Variants in SAMD4A observed in about 807,000 individuals in gnomAD.
SAMD4A encodes the protein protein Smaug homolog 1.
SAMD4A carries 33 observed loss-of-function variants against 81.3 expected under a neutral mutation model. The ratio of observed to expected loss-of-function variants is 0.41; its 90% CI spans 0.31 to 0.54. The LOEUF is 0.54. Among genes scored for constraint, SAMD4A ranks in the 20% least tolerant of loss-of-function variants. The pLI, the probability that SAMD4A is intolerant of heterozygous loss-of-function variation, is 0.37. For synonymous variants in SAMD4A, 389 were observed against 382.1 expected (o/e 1.02, Z -0.21); for missense variants, 854 against 951.1 (o/e 0.90, Z 1.34).
chr14:54,692,834 G>A (rs1205239022), intron 2 of SAMD4A: 3 of 149,300 alleles, frequency 2.0e-5, no homozygotes, highest in Non-Finnish European at 4.5e-5. Context: ...TAACTCTTAG[G>A]AGACCCATTC....
intron 2 of SAMD4A, chr14:54,688,010 G>A (rs2036321653): frequency 7.1e-6 from 7 of 985,588 alleles, no homozygotes; most frequent in Non-Finnish European, 8.4e-6. Flanking sequence ...CACCTGAGGA[G>A]GGAAGAAAAG....
intron 2 of SAMD4A, among the ~76,000 whole-genome samples, chr14:54,665,096 A>G (rs1209544608): frequency 6.6e-6 from 1 of 152,220 alleles, no homozygotes; most frequent in African/African-American, 2.4e-5. Context: ...ACTGCAGGAA[A>G]AAATGTGAGA....
intron 11 of SAMD4A, chr14:54,784,139 A>C: frequency 5.4e-6 from 3 of 551,076 alleles, no homozygotes; most frequent in Non-Finnish European, 9.8e-6. Context: ...GCCGTGAGGT[A>C]GGAGGGGGCC....
At chr14:54,776,940 C>T (rs1348242000) in intron 11 of SAMD4A, among the ~76,000 whole-genome samples, 1 of 151,974 alleles carries the variant, frequency 6.6e-6, no homozygotes, top group Non-Finnish European at 1.5e-5. Context: ...TGAGACCTTC[C>T]CCCTGGTTTG....
At position 54,790,966 on chromosome 14, in the gene SAMD4A, A is replaced by G. The variant is rs2039250139; in HGVS notation, c.*2022A>G. 6.6e-6 allele frequency: 1 copy of G among 151,836 alleles called. No homozygotes were observed. The highest frequency in any genetic ancestry group is 6.6e-5 in the Admixed American group (1 of 15,262). The allele number at this position is 151,836 out of a possible 1,614,324, so 9.4% of individuals were successfully genotyped here. A position where few individuals can be genotyped will look rare whatever the true frequency, so the allele number is the denominator to read the frequency against. ...TGAGCAGAGAAGGCTTGAATCCACA[A>G]TTTCATTCGCTGAATTAAAAAAAAA... On this transcript the variant is annotated 3_prime_UTR_variant, in exon 13 of 13. Transcript: ENST00000554335.
intron 2 of SAMD4A, among the ~76,000 whole-genome samples, chr14:54,591,216 A>G (rs1377133895): frequency 6.6e-6 from 1 of 152,018 alleles, no homozygotes; most frequent in Non-Finnish European, 1.5e-5. Flanking sequence ...AGAAATGCTG[A>G]CTCTAGCTCT....
chr14:54,744,277 C>T (rs1251314554), intron 4 of SAMD4A, among the ~76,000 whole-genome samples: 1 of 152,252 alleles, frequency 6.6e-6, no homozygotes, highest in African/African-American at 2.4e-5. Flanking sequence ...GTTTGTGGGT[C>T]GGGTGCTGCA....
chr14:54,760,779 C>T (rs1566625073), intron 7 of SAMD4A, among the ~76,000 whole-genome samples: 1 of 152,168 alleles, frequency 6.6e-6, no homozygotes, highest in Non-Finnish European at 1.5e-5. Flanking sequence ...CTCATTGGGC[C>T]AGTGGACCCT....
intron 2 of SAMD4A, among the ~76,000 whole-genome samples, chr14:54,587,468 A>G (rs1342143781): frequency 6.6e-6 from 1 of 152,172 alleles, no homozygotes; most frequent in Non-Finnish European, 1.5e-5. Flanking sequence ...ACTATGTTGA[A>G]TAGAAGTGGT....
chr14:54,608,887 A>G (rs544277324), intron 2 of SAMD4A, among the ~76,000 whole-genome samples: 3 of 152,362 alleles, frequency 2.0e-5, no homozygotes, highest in Non-Finnish European at 2.9e-5. Context: ...ACAGTTAGCA[A>G]CGGAAGACAG....
chr14:54,776,678 A>G (rs1204606026), intron 11 of SAMD4A, 138 bp downstream of exon 11: 4 of 1,088,828 alleles, frequency 3.7e-6, no homozygotes, highest in Non-Finnish European at 4.9e-6. Context: ...TCCTTTTTTA[A>G]ACTGTGCCTT....
At chr14:54,608,670 A>G (rs182407069) in intron 2 of SAMD4A, among the ~76,000 whole-genome samples, 153 of 152,290 alleles carry the variant, frequency 1.0e-3, no homozygotes, top group African/African-American at 3.6e-3. Context: ...TGAGCAATGG[A>G]TTTTGCATTT....
intron 2 of SAMD4A, among the ~76,000 whole-genome samples, chr14:54,581,627 G>A (rs1456887659): frequency 6.6e-6 from 1 of 152,210 alleles, no homozygotes; most frequent in East Asian, 1.9e-4. Context: ...CACATAAAGT[G>A]TTGTATTGTG....
chr14:54,646,846 T>TCA (rs915694976), intron 2 of SAMD4A, among the ~76,000 whole-genome samples: 1 of 152,194 alleles, frequency 6.6e-6, no homozygotes, highest in African/African-American at 2.4e-5. Flanking sequence ...TTAACCACTT[T>TCA]CACATTTCAC....
chr14:54,653,838 TC>T (rs1594775189), intron 2 of SAMD4A, among the ~76,000 whole-genome samples: 1 of 152,202 alleles, frequency 6.6e-6, no homozygotes, highest in African/African-American at 2.4e-5. Context: ...AGCCACCCCA[TC>T]TTCCCCTTCC....
chr14:54,778,337 C>T (rs1396865696), intron 11 of SAMD4A, among the ~76,000 whole-genome samples: 1 of 152,202 alleles, frequency 6.6e-6, no homozygotes, highest in African/African-American at 2.4e-5. Context: ...TCCACCTATA[C>T]CTTTGTTTCC....
chr14:54,685,494 T>C (rs2036243103), intron 2 of SAMD4A, among the ~76,000 whole-genome samples: 1 of 152,272 alleles, frequency 6.6e-6, no homozygotes. Context: ...GTTGTTTACC[T>C]ATTCATCTGT....
intron 2 of SAMD4A, among the ~76,000 whole-genome samples, chr14:54,665,397 C>G (rs1372875437): frequency 6.6e-6 from 1 of 152,274 alleles, no homozygotes; most frequent in East Asian, 1.9e-4. Context: ...TCAGTTATAG[C>G]TCTTCAGGGT....
intron 2 of SAMD4A, among the ~76,000 whole-genome samples, chr14:54,657,146 C>T (rs903580813): frequency 1.3e-5 from 2 of 152,158 alleles, no homozygotes; most frequent in African/African-American, 4.8e-5. Flanking sequence ...CCTCACTAAA[C>T]TCACAGTGAT....
Sources: allele counts gnomAD v4.1 joint callset (sites outside exome capture counted in the v4.1 genomes callset), GRCh38; gene constraint gnomAD v4.1.1; transcripts MANE v1.5; gene names NCBI Gene and HGNC (gene_info 2026-07-23, HGNC 2026-07-21).